The following LRBA variants were observed in gnomAD, a reference collection of about 807,000 sequenced individuals.
LRBA encodes lipopolysaccharide-responsive and beige-like anchor protein.
LRBA carries 176 observed loss-of-function variants against 330.0 expected under a neutral mutation model. The ratio of observed to expected loss-of-function variants is 0.53; its 90% CI spans 0.47 to 0.60. The LOEUF is 0.60. Ranked by LOEUF, LRBA falls within the 20% of genes least tolerant of loss-of-function variation. LRBA has a pLI of 0.00. For synonymous variants in LRBA, 1,230 were observed against 1,193.0 expected, an observed-to-expected ratio of 1.03 and a Z score of -0.64; for missense variants, 3,259 against 3,444.8, an observed-to-expected ratio of 0.95 and a Z score of 1.35.
chr4:150,852,731 T>C lies in LRBA; in HGVS notation c.2979A>G (p.Ser993=), dbSNP rs1166060455. 1 of 1,613,752 alleles carries C rather than the reference T, an allele frequency of 6.2e-7. No homozygotes were observed. Among genetic ancestry groups the C allele is most frequent in the Admixed American group, 1.7e-5 (1 of 59,984 alleles). Residue 993 remains serine, a synonymous_variant, in exon 23 of 57, where the codon TCA becomes TCG. Coordinates refer to ENST00000651943, the MANE Select transcript of LRBA (RefSeq NM_001364905.1). ...PHFTTNGNEN[S]SIEKTSSLES... is the part of the protein sequence containing the mutation. Reference sequence around the variant, plus strand: ...CTAGTGAACTTGTCTTCTCTATACTTGAATTTTCATTACCATTTGTGGTGA... The same window carrying C: ...CTAGTGAACTTGTCTTCTCTATACTCGAATTTTCATTACCATTTGTGGTGA...
At chr4:150,811,964 G>A (rs1743799716) in intron 31 of LRBA, among the ~76,000 whole-genome samples, 1 of 152,076 alleles carries the variant, frequency 6.6e-6, no homozygotes, top group South Asian at 2.1e-4. Context: ...GAATATAGCA[G>A]AAAGAGATTT....
chr4:150,979,019 T>A (rs538932823), intron 2 of LRBA, among the ~76,000 whole-genome samples: 9 of 151,936 alleles, frequency 5.9e-5, no homozygotes, highest in Admixed American at 2.6e-4. Flanking sequence ...GAGAAAGATA[T>A]CAATACTCAA....
At chr4:150,970,507 T>C (rs542656055) in intron 2 of LRBA, among the ~76,000 whole-genome samples, 1 of 137,808 alleles carries the variant, frequency 7.3e-6, no homozygotes, top group Non-Finnish European at 1.5e-5. Context: ...CTCAAAAAAA[T>C]AATAATAATA....
At chr4:150,820,824 T>G (rs529742751) in intron 30 of LRBA, among the ~76,000 whole-genome samples, 2 of 152,216 alleles carry the variant, frequency 1.3e-5, no homozygotes, top group Non-Finnish European at 2.9e-5. Context: ...TAACCTATCG[T>G]GTTTATGTTG....
intron 47 of LRBA, among the ~76,000 whole-genome samples, chr4:150,388,496 T>A (rs528981707): frequency 6.6e-6 from 1 of 152,316 alleles, no homozygotes; most frequent in East Asian, 1.9e-4. Flanking sequence ...GGGTGAAACT[T>A]GAGGTACGAA....
chr4:150,798,171 G>A, intron 33 of LRBA, 29 bp from the exon 34 acceptor site: 1 of 1,421,796 alleles, frequency 7.0e-7, no homozygotes, highest in Non-Finnish European at 9.9e-7. Context: ...TAAAAAAGAA[G>A]TTATAAAGAA....
intron 2 of LRBA, among the ~76,000 whole-genome samples, chr4:150,960,025 C>T (rs1012175847): frequency 6.8e-6 from 1 of 147,856 alleles, no homozygotes; most frequent in Non-Finnish European, 1.5e-5. Flanking sequence ...CTAGCTGGGG[C>T]TACCGGTGTG....
intron 40 of LRBA, among the ~76,000 whole-genome samples, chr4:150,503,797 C>A (rs4413389): frequency 0.21 from 32,593 of 151,798 alleles, 4,309 homozygotes; most frequent in Non-Finnish European, 0.3. Context: ...CTACGCTGAG[C>A]TACAGGAGGA....
intron 47 of LRBA, among the ~76,000 whole-genome samples, chr4:150,371,653 G>A (rs1740349414): frequency 6.6e-6 from 1 of 151,940 alleles, no homozygotes; most frequent in Non-Finnish European, 1.5e-5. Context: ...TACATGGAAA[G>A]CAGAGAGCTG....
intron 34 of LRBA, among the ~76,000 whole-genome samples, chr4:150,766,615 C>T (rs1258878103): frequency 2.0e-5 from 3 of 152,098 alleles, no homozygotes; most frequent in Non-Finnish European, 4.4e-5. Flanking sequence ...CAATATAACC[C>T]TTAGTGAGTT....
chr4:150,297,389 A>G (rs1030662866), intron 53 of LRBA, among the ~76,000 whole-genome samples: 4 of 152,226 alleles, frequency 2.6e-5, no homozygotes, highest in Admixed American at 6.5e-5. Flanking sequence ...ATGGAGCACT[A>G]AACATCCTGG....
At chr4:150,418,673 T>C (rs751160409) in intron 46 of LRBA, among the ~76,000 whole-genome samples, 1 of 152,194 alleles carries the variant, frequency 6.6e-6, no homozygotes, top group Non-Finnish European at 1.5e-5. Flanking sequence ...TATCAAGATA[T>C]GTATTTGTGT....
At chr4:150,433,799 T>A (rs1438785768) in intron 46 of LRBA, among the ~76,000 whole-genome samples, 1 of 152,122 alleles carries the variant, frequency 6.6e-6, no homozygotes, top group Non-Finnish European at 1.5e-5. Context: ...AACATCCAAT[T>A]CAAAATTATT....
intron 30 of LRBA, among the ~76,000 whole-genome samples, chr4:150,825,103 A>G (rs1432389053): frequency 6.6e-6 from 1 of 152,212 alleles, no homozygotes; most frequent in Admixed American, 6.5e-5. Context: ...CTCAGAAGAC[A>G]CAAAAATAAG....
intron 11 of LRBA, among the ~76,000 whole-genome samples, chr4:150,907,524 T>A (rs1731486508): frequency 6.6e-6 from 1 of 152,124 alleles, no homozygotes. Flanking sequence ...AAAAAAATTG[T>A]TGCCTGAAAA....
intron 44 of LRBA, among the ~76,000 whole-genome samples, chr4:150,439,663 T>A (rs1484102302): frequency 2.0e-5 from 3 of 152,200 alleles, no homozygotes; most frequent in Non-Finnish European, 4.4e-5. Context: ...TCTGCTTTGC[T>A]GCAGTTGGAA....
At chr4:150,836,698 A>T (rs554714096) in intron 28 of LRBA, among the ~76,000 whole-genome samples, 70 of 152,148 alleles carry the variant, frequency 4.6e-4, no homozygotes, top group African/African-American at 1.7e-3. Context: ...CTTCTTTATT[A>T]GTCTTGCTAG....
At chr4:150,633,409 C>T (rs2126678652) in intron 37 of LRBA, among the ~76,000 whole-genome samples, 1 of 152,252 alleles carries the variant, frequency 6.6e-6, no homozygotes, top group Middle Eastern at 3.4e-3. Flanking sequence ...GTCTAATCCC[C>T]AAATCTTTAG....
chr4:150,564,246 A>T (rs747942949), intron 40 of LRBA, among the ~76,000 whole-genome samples: 4 of 152,182 alleles, frequency 2.6e-5, no homozygotes, highest in Non-Finnish European at 4.4e-5. Flanking sequence ...ATCTACAACC[A>T]TCTCATCTTT....
Sources: gnomAD v4.1 joint callset for allele counts (sites outside exome capture counted in the v4.1 genomes callset) on GRCh38, gnomAD v4.1.1 for gene constraint, MANE v1.5 for transcripts, NCBI Gene and HGNC (gene_info 2026-07-23, HGNC 2026-07-21) for gene names.